TENM3: variants seen among roughly 807,000 people sequenced by gnomAD.
TENM3 encodes the protein teneurin-3.
A neutral mutation model predicts 255.1 loss-of-function variants in TENM3; 63 were observed. The observed-to-expected ratio is 0.25, with a 90% CI of 0.20 to 0.30. The LOEUF (loss-of-function observed/expected upper bound fraction) is 0.30, where lower values mean the gene tolerates loss of function less well. TENM3 is among the 10% of genes least tolerant of loss of function. The pLI, the probability that TENM3 is intolerant of heterozygous loss-of-function variation, is 1.00. For synonymous variants in TENM3, 1,306 were observed against 1,322.3 expected (o/e 0.99, Z 0.27); for missense variants, 2,929 against 3,461.1 (o/e 0.85, Z 3.86).
At chr4:182,204,574 G>A (rs954957195) in intron 1 of TENM3, among the ~76,000 whole-genome samples, 7 of 152,072 alleles carry the variant, frequency 4.6e-5, no homozygotes, top group African/African-American at 1.7e-4. Flanking sequence ...TGTCTCAGTC[G>A]TTGCCTCCCA....
chr4:181,711,123 A>C, the TENM3 span, among the ~76,000 whole-genome samples: 1 of 152,156 alleles, frequency 6.6e-6, no homozygotes, highest in Non-Finnish European at 1.5e-5. Context: ...CTACAAATTC[A>C]CATGCTTTGG....
chr4:182,791,408 C>T (rs1465933538), intron 25 of TENM3, among the ~76,000 whole-genome samples: 6 of 152,216 alleles, frequency 3.9e-5, no homozygotes, highest in Non-Finnish European at 8.8e-5. Context: ...CTTAACCAGC[C>T]TGGGATGACC....
At chr4:181,668,011 G>A in the TENM3 span, among the ~76,000 whole-genome samples, 1 of 152,188 alleles carries the variant, frequency 6.6e-6, no homozygotes, top group Non-Finnish European at 1.5e-5. Context: ...GAAACTGTGT[G>A]TGTGTATGCG....
At chr4:181,677,768 A>G in the TENM3 span, among the ~76,000 whole-genome samples, 1 of 152,058 alleles carries the variant, frequency 6.6e-6, no homozygotes, top group Non-Finnish European at 1.5e-5. Context: ...ATCTGGCCAT[A>G]CTTAGCCCTG....
At chr4:182,495,505 GA>G (rs35571334) in intron 3 of TENM3, among the ~76,000 whole-genome samples, 32,036 of 147,984 alleles carry the variant, frequency 0.22, 4,273 homozygotes, top group African/African-American at 0.38. Flanking sequence ...CTTTAAAAGT[GA>G]AAAAAAAAAT....
the TENM3 span, among the ~76,000 whole-genome samples, chr4:181,761,121 C>T: frequency 2.0e-5 from 3 of 151,996 alleles, no homozygotes; most frequent in Admixed American, 1.3e-4. Flanking sequence ...TTGTCAGTTG[C>T]TTAGTCAAGG....
intron 3 of TENM3, among the ~76,000 whole-genome samples, chr4:182,401,749 A>G (rs922381004): frequency 6.6e-5 from 10 of 152,216 alleles, no homozygotes; most frequent in African/African-American, 2.4e-4. Context: ...ATGACTGGTC[A>G]TAACAGAGTT....
At chr4:182,129,008 A>C in the TENM3 span, among the ~76,000 whole-genome samples, 2 of 152,204 alleles carry the variant, frequency 1.3e-5, no homozygotes, top group Non-Finnish European at 2.9e-5. Flanking sequence ...GCAGGTCACG[A>C]GGGAAGAAAA....
At chr4:181,634,231 C>T in the TENM3 span, among the ~76,000 whole-genome samples, 1 of 152,136 alleles carries the variant, frequency 6.6e-6, no homozygotes, top group Non-Finnish European at 1.5e-5. Context: ...GGGCTGTAAA[C>T]ATTTGCCATT....
At chr4:181,729,611 T>C in the TENM3 span, among the ~76,000 whole-genome samples, 1 of 152,128 alleles carries the variant, frequency 6.6e-6, no homozygotes. Flanking sequence ...AACCCCAAAT[T>C]TGGTATGTTA....
chr4:182,786,726 A>AAATT (rs1381937881), intron 24 of TENM3, among the ~76,000 whole-genome samples: 1 of 152,170 alleles, frequency 6.6e-6, no homozygotes, highest in Non-Finnish European at 1.5e-5. Flanking sequence ...GAATTAATAC[A>AAATT]AATTAAAATG....
the TENM3 span, among the ~76,000 whole-genome samples, chr4:181,822,051 T>C: frequency 1.3e-5 from 2 of 152,218 alleles, no homozygotes; most frequent in African/African-American, 2.4e-5. Context: ...CTTTGGTAAA[T>C]GAACAGGAGA....
At chr4:181,506,721 G>T in the TENM3 span, among the ~76,000 whole-genome samples, 2 of 151,666 alleles carry the variant, frequency 1.3e-5, no homozygotes, top group South Asian at 4.2e-4. Flanking sequence ...ATCTTACACC[G>T]TGGTTCCAAA....
the TENM3 span, among the ~76,000 whole-genome samples, chr4:181,524,104 A>G: frequency 6.6e-6 from 1 of 152,294 alleles, no homozygotes; most frequent in Non-Finnish European, 1.5e-5. Flanking sequence ...GAAATCATGC[A>G]AATTTTTCTT....
chr4:182,751,250 C>T (rs1187364146), intron 19 of TENM3, among the ~76,000 whole-genome samples: 1 of 151,928 alleles, frequency 6.6e-6, no homozygotes, highest in Non-Finnish European at 1.5e-5. Flanking sequence ...ATAGGACAGA[C>T]ACTGGCACTT....
chr4:182,796,512 C>A, intron 26 of TENM3, 125 bp from the exon 27 acceptor site: 1 of 917,688 alleles, frequency 1.1e-6, no homozygotes, highest in Non-Finnish European at 1.6e-6. Flanking sequence ...AGGACGAAAG[C>A]AAACAGGTGC....
At chr4:181,901,799 A>G in the TENM3 span, among the ~76,000 whole-genome samples, 2 of 152,258 alleles carry the variant, frequency 1.3e-5, no homozygotes, top group East Asian at 3.9e-4. Flanking sequence ...CAGCAAAAAT[A>G]CCGGGTATGT....
In TENM3 at chr4:182,801,253, G is replaced by C. The variant is rs1398621838; in HGVS notation, c.*902G>C. ...AATGTCCAGAAGTGTTAATATTTTTGTATTAGGTTGAAAAAATGTGCAAGC... is the reference window on the plus strand; with the variant it reads ...AATGTCCAGAAGTGTTAATATTTTTCTATTAGGTTGAAAAAATGTGCAAGC... On this transcript the variant is annotated 3_prime_UTR_variant, in exon 28 of 28. Transcript: ENST00000511685. 7 of 152,592 alleles carry C rather than the reference G, an allele frequency of 4.6e-5. No homozygotes were observed. Among genetic ancestry groups the C allele is most frequent in the Admixed American group, 4.6e-4 (7 of 15,292 alleles). 9.5% of individuals were successfully genotyped at this position (152,592 alleles called of 1,614,324 possible). A position where few individuals can be genotyped will look rare whatever the true frequency, so the allele number is the denominator to read the frequency against.
At chr4:182,304,458 C>A (rs528790661) in intron 1 of TENM3, among the ~76,000 whole-genome samples, 1 of 152,100 alleles carries the variant, frequency 6.6e-6, no homozygotes, top group Non-Finnish European at 1.5e-5. Flanking sequence ...ATGATCCACC[C>A]GCCTCGGCCT....
Sources: gnomAD v4.1 joint callset for allele counts (sites outside exome capture counted in the v4.1 genomes callset) on GRCh38, gnomAD v4.1.1 for gene constraint, MANE v1.5 for transcripts, NCBI Gene and HGNC (gene_info 2026-07-23, HGNC 2026-07-21) for gene names.